UPRT: variants seen among roughly 807,000 people sequenced by gnomAD.
UPRT encodes the protein RP11-311P8.3.
Under a neutral mutation model 22.6 loss-of-function variants are expected in UPRT, and 5 were observed. That is an observed-to-expected ratio of 0.22 (90% CI 0.12 to 0.47). The LOEUF is 0.47. UPRT is among the 20% of genes least tolerant of loss of function. The pLI, the probability that UPRT is intolerant of heterozygous loss-of-function variation, is 0.99. For synonymous variants in UPRT, 77 were observed against 87.7 expected (o/e 0.88, Z 0.68); for missense variants, 181 against 239.9 (o/e 0.75, Z 1.62).
At chrX:75,178,440 C>T (rs1466360934) in intron 4 of UPRT, among the ~76,000 whole-genome samples, 2 of 112,042 alleles carry the variant, frequency 1.8e-5, no homozygotes, top group Non-Finnish European at 3.8e-5. Context: ...AAAGTCCCTT[C>T]GTGGTCACCA....
intron 4 of UPRT, among the ~76,000 whole-genome samples, chrX:75,253,810 A>T (rs2082540151): frequency 8.9e-6 from 1 of 112,138 alleles, no homozygotes; most frequent in African/African-American, 3.2e-5. Flanking sequence ...CACTGGGGAA[A>T]CTGAAGGTCT....
intron 4 of UPRT, among the ~76,000 whole-genome samples, chrX:75,205,239 G>A (rs958011817): frequency 1.8e-5 from 2 of 108,748 alleles, no homozygotes; most frequent in African/African-American, 3.3e-5. Flanking sequence ...GCGCGGTGGC[G>A]GGCGCCTGTA....
At chrX:75,287,992 A>T (rs770264619) in intron 1 of UPRT, among the ~76,000 whole-genome samples, 1 of 111,729 alleles carries the variant, frequency 9.0e-6, no homozygotes, top group East Asian at 2.8e-4. Context: ...GGCAAAGGTG[A>T]CATTACAAAT....
intron 4 of UPRT, among the ~76,000 whole-genome samples, chrX:75,171,739 G>T (rs1165009736): frequency 1.8e-5 from 2 of 110,499 alleles, no homozygotes; most frequent in Non-Finnish European, 3.8e-5. Context: ...GGGTCTCAAT[G>T]CTGCTTTTTC....
Position 75,303,724 on chromosome X carries a change from CAT to C in UPRT, c.*215_*216del, listed in dbSNP as rs2082752325. On this transcript the variant is annotated 3_prime_UTR_variant, in exon 7 of 7. Coordinates refer to ENST00000373383, the MANE Select transcript of UPRT (RefSeq NM_145052.4). ...TGAAGTATATGCAACTCTTACAAAA[CAT>C]AAATTTTAATAATATTCTAATGCAA... 3.6e-6 allele frequency: 1 copy of C among 274,126 alleles called. No individual in the cohort carries two copies. Among genetic ancestry groups the C allele is most frequent in the African/African-American group, 2.9e-5 (1 of 34,800 alleles). The allele number at this position is 274,126 out of a possible 1,213,427, so 22.6% of individuals were successfully genotyped here. A position where few individuals can be genotyped will look rare whatever the true frequency, so the allele number is the denominator to read the frequency against.
At chrX:75,173,414 G>A (rs1209308400) in intron 4 of UPRT, among the ~76,000 whole-genome samples, 3 of 111,260 alleles carry the variant, frequency 2.7e-5, no homozygotes, top group South Asian at 3.9e-4. Flanking sequence ...ACAGAGTGTC[G>A]ATTGGTACAC....
chrX:75,266,478 A>G (rs893535316), intron 4 of UPRT, among the ~76,000 whole-genome samples: 1 of 111,936 alleles, frequency 8.9e-6, no homozygotes, highest in Non-Finnish European at 1.9e-5. Flanking sequence ...ACCTAAAACC[A>G]TAAAAACCCT....
chrX:75,299,938 A>C, intron 5 of UPRT, 42 bp downstream of exon 5: 5 of 1,181,572 alleles, frequency 4.2e-6, no homozygotes, highest in Non-Finnish European at 5.7e-6. Flanking sequence ...GTTAGGGTTT[A>C]AATTCAACTT....
chrX:75,195,939 A>G (rs1033445188), intron 4 of UPRT, among the ~76,000 whole-genome samples: 1 of 111,801 alleles, frequency 8.9e-6, no homozygotes, highest in African/African-American at 3.3e-5. Flanking sequence ...ATAAAATACA[A>G]TTAGGATGTG....
intron 2 of UPRT, among the ~76,000 whole-genome samples, chrX:75,293,907 A>G (rs2082716839): frequency 9.0e-6 from 1 of 111,527 alleles, no homozygotes; most frequent in Non-Finnish European, 1.9e-5. Flanking sequence ...TATTTCTTGT[A>G]GTTTACGGCG....
chrX:75,294,580 A>T (rs1017726240), intron 2 of UPRT: 26 of 986,863 alleles, frequency 2.6e-5, no homozygotes, highest in Non-Finnish European at 3.4e-5. Flanking sequence ...CTGAGGATTT[A>T]TTCCAAAAGA....
intron 6 of UPRT, 71 bp downstream of exon 6, chrX:75,301,036 T>C: frequency 1.3e-6 from 1 of 755,500 alleles, no homozygotes; most frequent in Non-Finnish European, 1.9e-6. Context: ...ATTTTCTAGC[T>C]TCTAATCCTG....
chrX:75,196,448 G>A (rs749106551), intron 4 of UPRT, among the ~76,000 whole-genome samples: 40 of 112,857 alleles, frequency 3.5e-4, no homozygotes, highest in African/African-American at 1.2e-3. Flanking sequence ...CCTGTTTCTA[G>A]CAATACAGTG....
chrX:75,168,710 G>A (rs922081062), intron 4 of UPRT, among the ~76,000 whole-genome samples: 26 of 110,397 alleles, frequency 2.4e-4, no homozygotes, highest in African/African-American at 8.2e-4. Flanking sequence ...TGTATTTTTA[G>A]CGGAGACTGG....
chrX:75,243,560 T>C (rs1228331272), intron 4 of UPRT, among the ~76,000 whole-genome samples: 1 of 112,067 alleles, frequency 8.9e-6, no homozygotes, highest in Non-Finnish European at 1.9e-5. Context: ...TAAGGTGTTA[T>C]GATTAGTCAT....
chrX:75,173,320 C>A (rs2082235155), intron 4 of UPRT, among the ~76,000 whole-genome samples: 1 of 110,240 alleles, frequency 9.1e-6, no homozygotes, highest in African/African-American at 3.3e-5. Context: ...ACCAGAGCAG[C>A]TAGATACAGA....
intron 4 of UPRT, among the ~76,000 whole-genome samples, chrX:75,207,640 A>T (rs184287853): frequency 1.8e-5 from 2 of 111,618 alleles, no homozygotes; most frequent in East Asian, 5.7e-4. Flanking sequence ...GGAGGTATAG[A>T]AGAGATTGGT....
intron 4 of UPRT, among the ~76,000 whole-genome samples, chrX:75,203,481 G>GACAC (rs56145702): frequency 1.8e-4 from 16 of 91,276 alleles, no homozygotes; most frequent in African/African-American, 6.1e-4. Context: ...AAGGGTTAAA[G>GACAC]ACACACACAC....
At chrX:75,223,954 T>C (rs2082417022) in intron 4 of UPRT, among the ~76,000 whole-genome samples, 2 of 111,710 alleles carry the variant, frequency 1.8e-5, no homozygotes, top group Non-Finnish European at 3.8e-5. Flanking sequence ...CTTTTTTTTC[T>C]CTGCATGCAT....
Sources: allele counts gnomAD v4.1 joint callset (sites outside exome capture counted in the v4.1 genomes callset), GRCh38; gene constraint gnomAD v4.1.1; transcripts MANE v1.5; gene names NCBI Gene and HGNC (gene_info 2026-07-23, HGNC 2026-07-21).